The following MAGI2 variants were observed in gnomAD, a reference collection of about 807,000 sequenced individuals.
MAGI2 encodes membrane associated guanylate kinase, WW and PDZ domain containing 2, also known as membrane-associated guanylate kinase, WW and PDZ domain-containing protein 2.
A neutral mutation model predicts 133.3 loss-of-function variants in MAGI2; 35 were observed. The observed-to-expected ratio is 0.26, with a 90% CI of 0.20 to 0.35. MAGI2 has a LOEUF of 0.35. MAGI2 is among the 10% of genes least tolerant of loss of function. The pLI is 1.00. For synonymous variants in MAGI2, 729 were observed against 710.6 expected (o/e 1.03, Z -0.41); for missense variants, 1,636 against 1,863.4 (o/e 0.88, Z 2.25).
chr7:78,109,632 A>G (rs993762676), intron 20 of MAGI2, among the ~76,000 whole-genome samples: 34 of 152,190 alleles, frequency 2.2e-4, no homozygotes, highest in African/African-American at 8.2e-4. Flanking sequence ...ACTCCGTCTC[A>G]AAACAAAACA....
intron 1 of MAGI2, among the ~76,000 whole-genome samples, chr7:79,420,947 G>C (rs542794000): frequency 1.3e-5 from 2 of 151,992 alleles, no homozygotes; most frequent in South Asian, 4.2e-4. Flanking sequence ...ATAAATGAAG[G>C]GATGTTTTGT....
At chr7:79,324,219 A>C (rs1839418008) in intron 1 of MAGI2, among the ~76,000 whole-genome samples, 1 of 151,772 alleles carries the variant, frequency 6.6e-6, no homozygotes, top group African/African-American at 2.4e-5. Flanking sequence ...TACAAGGGTC[A>C]TGCTAATCTC....
At chr7:78,723,697 G>A (rs1310699730) in intron 2 of MAGI2, among the ~76,000 whole-genome samples, 10 of 152,134 alleles carry the variant, frequency 6.6e-5, no homozygotes, top group African/African-American at 2.2e-4. Flanking sequence ...CAGAAGAGAT[G>A]ACTATAGGTC....
At chr7:78,573,035 GTA>G (rs765938732) in intron 3 of MAGI2, among the ~76,000 whole-genome samples, 2,705 of 31,518 alleles carry the variant, frequency 0.086, 109 homozygotes, top group Non-Finnish European at 0.1. Context: ...GCATATGTAT[GTA>G]TATATATATA....
chr7:78,804,256 T>A (rs1788320977), intron 2 of MAGI2, among the ~76,000 whole-genome samples: 1 of 152,110 alleles, frequency 6.6e-6, no homozygotes. Flanking sequence ...TTTGGCATAG[T>A]AGTATAAGTG....
At chr7:78,850,651 C>T (rs569457895) in intron 2 of MAGI2, among the ~76,000 whole-genome samples, 1 of 152,098 alleles carries the variant, frequency 6.6e-6, no homozygotes, top group Admixed American at 6.6e-5. Flanking sequence ...ATCATCAGAC[C>T]CATCCCTCAC....
chr7:78,371,321 T>G (rs928032319), intron 6 of MAGI2, among the ~76,000 whole-genome samples: 3 of 151,888 alleles, frequency 2.0e-5, no homozygotes, highest in African/African-American at 7.2e-5. Context: ...GCAATTAATA[T>G]TATGGATATT....
chr7:79,081,890 T>A (rs1416148728), intron 1 of MAGI2, among the ~76,000 whole-genome samples: 1 of 152,116 alleles, frequency 6.6e-6, no homozygotes, highest in South Asian at 2.1e-4. Flanking sequence ...TAACACTATT[T>A]TAGCTGTTGG....
At chr7:78,279,397 C>CTG (rs1018271609) in intron 9 of MAGI2, among the ~76,000 whole-genome samples, 1 of 151,826 alleles carries the variant, frequency 6.6e-6, no homozygotes, top group East Asian at 1.9e-4. Context: ...ATATTGTATG[C>CTG]TGTGTGTGTG....
intron 1 of MAGI2, among the ~76,000 whole-genome samples, chr7:79,378,176 G>T (rs1585762900): frequency 6.6e-6 from 1 of 151,770 alleles, no homozygotes; most frequent in African/African-American, 2.4e-5. Context: ...TATTATAAAA[G>T]CTAATGTAGT....
chr7:78,660,283 T>TA (rs960042227), intron 2 of MAGI2, among the ~76,000 whole-genome samples: 95 of 150,872 alleles, frequency 6.3e-4, no homozygotes, highest in African/African-American at 1.7e-3. Flanking sequence ...ATAAAAATAA[T>TA]AAAAAAAAAG....
intron 6 of MAGI2, among the ~76,000 whole-genome samples, chr7:78,384,966 C>G (rs1795245228): frequency 6.6e-6 from 1 of 152,128 alleles, no homozygotes; most frequent in South Asian, 2.1e-4. Flanking sequence ...TGGGTGTAAG[C>G]AGCATCACGA....
intron 2 of MAGI2, among the ~76,000 whole-genome samples, chr7:78,645,248 A>G (rs1810743714): frequency 6.6e-6 from 1 of 152,150 alleles, no homozygotes; most frequent in Admixed American, 6.6e-5. Flanking sequence ...AATAATGCTA[A>G]TTCTATACAA....
chr7:78,188,254 T>C (rs1827880053), intron 12 of MAGI2, among the ~76,000 whole-genome samples: 1 of 152,226 alleles, frequency 6.6e-6, no homozygotes, highest in Admixed American at 6.5e-5. Flanking sequence ...AAATTAGATT[T>C]CCAAATTAAT....
At chr7:79,414,156 C>T (rs928829763) in intron 1 of MAGI2, 8 of 152,088 alleles carry the variant, frequency 5.3e-5, no homozygotes, top group Non-Finnish European at 7.4e-5. Context: ...AAACAATCAC[C>T]GTGTCTTAAA....
At chr7:78,954,543 G>T (rs906146399) in intron 2 of MAGI2, among the ~76,000 whole-genome samples, 2 of 152,132 alleles carry the variant, frequency 1.3e-5, no homozygotes, top group African/African-American at 4.8e-5. Context: ...CCAGCCAGTT[G>T]TTCCTGGTCT....
chr7:79,391,518 TATATATATATATATATATAGAC>T (rs1844627559), intron 1 of MAGI2, among the ~76,000 whole-genome samples: 1 of 59,576 alleles, frequency 1.7e-5, no homozygotes, highest in Non-Finnish European at 2.7e-5. Flanking sequence ...CATATATATA[TATATATATATATATATATAGAC>T]ATATATATAT....
At chr7:79,447,364 GAGTA>G (rs1848927909) in intron 1 of MAGI2, among the ~76,000 whole-genome samples, 1 of 152,078 alleles carries the variant, frequency 6.6e-6, no homozygotes, top group Non-Finnish European at 1.5e-5. Flanking sequence ...GAATAGAATG[GAGTA>G]AGTAATAATA....
At chr7:78,820,595 T>G (rs17151530) in intron 2 of MAGI2, among the ~76,000 whole-genome samples, 22,838 of 151,842 alleles carry the variant, frequency 0.15, 2,158 homozygotes, top group African/African-American at 0.26. Context: ...TGTTAAAAAC[T>G]AATGGAAATG....
Sources: allele counts gnomAD v4.1 joint callset (sites outside exome capture counted in the v4.1 genomes callset), GRCh38; gene constraint gnomAD v4.1.1; transcripts MANE v1.5; gene names NCBI Gene and HGNC (gene_info 2026-07-23, HGNC 2026-07-21).